Variants in SMCP observed in about 807,000 individuals in gnomAD.
SMCP encodes the protein sperm mitochondrial-associated cysteine-rich protein.
For synonymous variants in SMCP, 41 were observed against 46.9 expected (o/e 0.87, Z 0.51); for missense variants, 137 against 137.1 (o/e 1.00, Z 0.01).
At position 152,885,043 on chromosome 1, in the gene SMCP, A is replaced by C; in HGVS notation, c.*270A>C. ...CAGCACAGAAATAAAGAGCAATAAA[A>C]AGAACATTGCCTCCGTTTGTTCCTT... On this transcript the variant is annotated 3_prime_UTR_variant, in exon 2 of 2. Coordinates refer to ENST00000368765, the MANE Select transcript of SMCP (RefSeq NM_030663.3). The C allele has an allele frequency of 2.2e-6, 1 of 454,960 alleles. No homozygotes were observed. Among genetic ancestry groups the C allele is most frequent in the East Asian group, 3.6e-5 (1 of 28,148 alleles). 28.2% of individuals were successfully genotyped at this position (454,960 alleles called of 1,614,324 possible).
chr1:152,880,928 A>G (rs1649009447), intron 1 of SMCP, among the ~76,000 whole-genome samples: 1 of 15,620 alleles, frequency 6.4e-5, no homozygotes, highest in Non-Finnish European at 1.5e-4. Flanking sequence ...CTAATGCTGT[A>G]GTTCAGGAGA....
chr1:152,880,871 T>C (rs919607581), intron 1 of SMCP, among the ~76,000 whole-genome samples: 2 of 132,156 alleles, frequency 1.5e-5, no homozygotes, highest in Non-Finnish European at 3.3e-5. Flanking sequence ...TTATACCAGG[T>C]GGCAGGGCCT....
chr1:152,880,069 C>A (rs1016676440), intron 1 of SMCP, among the ~76,000 whole-genome samples: 4 of 150,912 alleles, frequency 2.7e-5, no homozygotes, highest in African/African-American at 9.8e-5. Flanking sequence ...AAACCAGAGA[C>A]AAAAGACAGA....
chr1:152,881,642 T>C (rs1398518887), intron 1 of SMCP, among the ~76,000 whole-genome samples: 2 of 144,410 alleles, frequency 1.4e-5, no homozygotes, highest in Non-Finnish European at 3.0e-5. Flanking sequence ...GAGCCGAGAT[T>C]GCGCCACTGC....
chr1:152,883,745 CTCAAG>C (rs1311782276), intron 1 of SMCP, among the ~76,000 whole-genome samples: 1 of 152,178 alleles, frequency 6.6e-6, no homozygotes, highest in Admixed American at 6.5e-5. Flanking sequence ...AGGCCTGGAA[CTCAAG>C]TCCTGCCATG....
At chr1:152,884,269 GA>G in intron 1 of SMCP, 133 bp from the exon 2 acceptor site, 2 of 769,038 alleles carry the variant, frequency 2.6e-6, no homozygotes, top group Non-Finnish European at 4.1e-6. Flanking sequence ...CTCTCTGAGG[GA>G]TCCAGCTCTG....
chr1:152,881,694 C>CAAAAAAAAA (rs767042818), intron 1 of SMCP, among the ~76,000 whole-genome samples: 2 of 70,178 alleles, frequency 2.8e-5, no homozygotes, highest in African/African-American at 8.2e-5. Flanking sequence ...GACTCCGTCT[C>CAAAAAAAAA]AAAAAAAAAA....
chr1:152,880,545 A>C (rs915192104), intron 1 of SMCP, among the ~76,000 whole-genome samples: 1 of 152,040 alleles, frequency 6.6e-6, no homozygotes, highest in African/African-American at 2.4e-5. Flanking sequence ...CTCTCGGGCA[A>C]GTCAAGGCAT....
intron 1 of SMCP, among the ~76,000 whole-genome samples, chr1:152,878,779 T>A (rs2101621289): frequency 6.6e-6 from 1 of 151,540 alleles, no homozygotes; most frequent in East Asian, 1.9e-4. Flanking sequence ...GAGATGGAGG[T>A]TTTGGGTTAA....
At position 152,884,801 on chromosome 1, in the gene SMCP, G is replaced by A; in HGVS notation, c.*28G>A. On this transcript the variant is annotated 3_prime_UTR_variant, in exon 2 of 2. Transcript: ENST00000368765. ...GCAGAAGAAGTCAAACAAAGAAGAAGTCCCTGGGGCCATGCCTTTCACTTT... is the reference window on the plus strand; with the variant it reads ...GCAGAAGAAGTCAAACAAAGAAGAAATCCCTGGGGCCATGCCTTTCACTTT... The A allele has an allele frequency of 6.3e-7, 1 of 1,591,738 alleles. No individual in the cohort carries two copies. The highest frequency in any genetic ancestry group is 8.6e-7 in the Non-Finnish European group (1 of 1,162,200).
In SMCP at chr1:152,884,858, G is replaced by T; in HGVS notation, c.*85G>T. On this transcript the variant is annotated 3_prime_UTR_variant, in exon 2 of 2. Coordinates refer to ENST00000368765, the MANE Select transcript of SMCP (RefSeq NM_030663.3). ...TGGGGGATTACTGAGAGTCAGGCTA[G>T]ACCTGTGTTTAGAGAAGCAGTTTTC... 1 of 1,252,992 alleles carries T rather than the reference G, an allele frequency of 8.0e-7. No individual in the cohort carries two copies. The highest frequency in any genetic ancestry group is 1.4e-5 in the South Asian group (1 of 69,488). The allele number at this position is 1,252,992 out of a possible 1,614,324, so 77.6% of individuals were successfully genotyped here.
intron 1 of SMCP, 86 bp from the exon 2 acceptor site, chr1:152,884,317 T>C: frequency 1.8e-6 from 2 of 1,131,976 alleles, no homozygotes; most frequent in Non-Finnish European, 2.5e-6. Context: ...ATCCTGAAGA[T>C]GGATGTATTT....
At chr1:152,883,261 G>T (rs1326521178) in intron 1 of SMCP, among the ~76,000 whole-genome samples, 1 of 152,160 alleles carries the variant, frequency 6.6e-6, no homozygotes, top group Non-Finnish European at 1.5e-5. Context: ...TCCACAGAGG[G>T]GGTACAGGCT....
Position 152,884,620 on chromosome 1 carries a change from C to T in SMCP, c.198C>T (p.Cys66=), listed in dbSNP as rs2101624073. The T allele has an allele frequency of 6.2e-7, 1 of 1,614,162 alleles. No individual in the cohort carries two copies. The highest frequency in any genetic ancestry group is 1.1e-5 in the South Asian group (1 of 91,072). ...NHCCQPKPPC[C]IQARCCGLET... is the part of the protein sequence containing the mutation. The stretch of plus-strand genomic sequence containing the variant: ...GCTGCCAGCCAAAACCCCCATGCTG[C>T]ATTCAGGCCAGGTGCTGTGGTTTGG... The change falls in exon 2 of 2, where the codon TGC becomes TGT. Residue 66 remains cysteine (C), a synonymous_variant. Coordinates refer to ENST00000368765, the MANE Select transcript of SMCP (RefSeq NM_030663.3).
chr1:152,883,826 A>G (rs11205129), intron 1 of SMCP, among the ~76,000 whole-genome samples: 18,079 of 152,160 alleles, frequency 0.12, 2,693 homozygotes, highest in East Asian at 0.52. Context: ...CATGGGACAA[A>G]ATGATGCATT....
intron 1 of SMCP, 35 bp downstream of exon 1, chr1:152,878,481 C>T (rs1648937985): frequency 6.6e-6 from 1 of 152,654 alleles, no homozygotes; most frequent in Admixed American, 6.5e-5. Flanking sequence ...TGGGTCCTCT[C>T]TCCATGGCTT....
intron 1 of SMCP, 136 bp from the exon 2 acceptor site, chr1:152,884,267 G>A (rs1649137299): frequency 1.3e-6 from 1 of 759,454 alleles, no homozygotes; most frequent in Non-Finnish European, 2.1e-6. Context: ...GCCTCTCTGA[G>A]GGATCCAGCT....
intron 1 of SMCP, among the ~76,000 whole-genome samples, chr1:152,883,291 T>C (rs1475829230): frequency 6.6e-6 from 1 of 152,202 alleles, no homozygotes; most frequent in South Asian, 2.1e-4. Context: ...TGCTTCTACA[T>C]TTCCTTGAGG....
intron 1 of SMCP, among the ~76,000 whole-genome samples, chr1:152,882,080 A>T (rs1037815622): frequency 6.6e-6 from 1 of 152,124 alleles, no homozygotes; most frequent in Non-Finnish European, 1.5e-5. Context: ...GGTTCAAGCG[A>T]TTCTCCTGCC....
Sources: gnomAD v4.1 joint callset for allele counts (sites outside exome capture counted in the v4.1 genomes callset) on GRCh38, gnomAD v4.1.1 for gene constraint, MANE v1.5 for transcripts, NCBI Gene and HGNC (gene_info 2026-07-23, HGNC 2026-07-21) for gene names.